RBPJ: variants seen among roughly 807,000 people sequenced by gnomAD.
RBPJ encodes the protein recombining binding protein suppressor of hairless.
In RBPJ, 9 loss-of-function variants were observed where a neutral mutation model predicts 67.8. The ratio of observed to expected loss-of-function variants is 0.13; its 90% CI spans 0.08 to 0.23. The LOEUF is 0.23. RBPJ is among the 10% of genes least tolerant of loss of function. The pLI is 1.00. For synonymous variants in RBPJ, 198 were observed against 203.3 expected, an observed-to-expected ratio of 0.97 and a Z score of 0.22; for missense variants, 305 against 595.6, an observed-to-expected ratio of 0.51 and a Z score of 5.08.
At chr4:26,187,126 G>A (rs1482917149) in intron 1 of RBPJ, among the ~76,000 whole-genome samples, 2 of 152,182 alleles carry the variant, frequency 1.3e-5, no homozygotes, top group East Asian at 3.8e-4. Flanking sequence ...GGAGGCTGAG[G>A]TGAGAGGATT....
chr4:26,317,517 G>T (rs1264208540), upstream of RBPJ, among the ~76,000 whole-genome samples: 7 of 152,138 alleles, frequency 4.6e-5, no homozygotes. Flanking sequence ...AAATGGGAAA[G>T]TCATGGAGGA....
At chr4:26,121,439 A>G in the RBPJ span, among the ~76,000 whole-genome samples, 1 of 152,148 alleles carries the variant, frequency 6.6e-6, no homozygotes, top group African/African-American at 2.4e-5. Flanking sequence ...TCTTATCCCC[A>G]TTTTAGAGAA....
intron 1 of RBPJ, among the ~76,000 whole-genome samples, chr4:26,337,107 G>A (rs1724922757): frequency 6.6e-6 from 1 of 151,164 alleles, no homozygotes; most frequent in South Asian, 2.1e-4. Flanking sequence ...GATTACAGGC[G>A]ACAGCCACCA....
At chr4:26,275,540 C>T (rs573159929) in intron 1 of RBPJ, among the ~76,000 whole-genome samples, 2 of 152,302 alleles carry the variant, frequency 1.3e-5, no homozygotes, top group African/African-American at 2.4e-5. Context: ...CATGTCAAGT[C>T]AGTCGCCGGA....
upstream of RBPJ, chr4:26,320,913 G>C (rs1245734122): frequency 8.8e-6 from 14 of 1,599,982 alleles, no homozygotes; most frequent in Middle Eastern, 1.7e-4. Context: ...AAGGGAGCGC[G>C]GGGGCTGGGT....
chr4:26,130,921 T>A, the RBPJ span, among the ~76,000 whole-genome samples: 1 of 152,254 alleles, frequency 6.6e-6, no homozygotes, highest in Admixed American at 6.5e-5. Flanking sequence ...CAGATGATGC[T>A]GTTTGAAACT....
intron 1 of RBPJ, among the ~76,000 whole-genome samples, chr4:26,218,054 C>T (rs149932665): frequency 5.9e-5 from 9 of 152,286 alleles, no homozygotes; most frequent in African/African-American, 7.2e-5. Context: ...TGATTTTCCA[C>T]GAGCCCCGCA....
intron 1 of RBPJ, among the ~76,000 whole-genome samples, chr4:26,170,852 G>A (rs1326619804): frequency 6.6e-6 from 1 of 152,200 alleles, no homozygotes; most frequent in Non-Finnish European, 1.5e-5. Context: ...AAATCTTAAT[G>A]CTTAATCTTT....
chr4:26,142,942 C>T, the RBPJ span, among the ~76,000 whole-genome samples: 61 of 152,194 alleles, frequency 4.0e-4, 2 homozygotes, highest in East Asian at 6.6e-3. Flanking sequence ...CCACCATGCC[C>T]GGCTAATTTT....
chr4:26,363,350 G>C (rs1277605257), intron 1 of RBPJ, among the ~76,000 whole-genome samples: 1 of 152,188 alleles, frequency 6.6e-6, no homozygotes, highest in Non-Finnish European at 1.5e-5. Flanking sequence ...ATATTGGCCA[G>C]GCCGGTCTCG....
the RBPJ span, among the ~76,000 whole-genome samples, chr4:26,144,221 A>AT: frequency 0.78 from 115,945 of 148,048 alleles, 47,447 homozygotes; most frequent in Non-Finnish European, 0.9. Context: ...ATTTGTTTCA[A>AT]TTTTTTTATA....
chr4:26,284,341 C>A (rs1721383899), intron 1 of RBPJ, among the ~76,000 whole-genome samples: 1 of 152,184 alleles, frequency 6.6e-6, no homozygotes, highest in South Asian at 2.1e-4. Context: ...GATTCTTCAG[C>A]CTCCAACTTC....
At chr4:26,277,431 G>A (rs762638024) in intron 1 of RBPJ, among the ~76,000 whole-genome samples, 18 of 152,220 alleles carry the variant, frequency 1.2e-4, no homozygotes, top group Non-Finnish European at 2.2e-4. Flanking sequence ...ACCCCCACCA[G>A]ATACAAGCCT....
At chr4:26,427,461 A>G (rs1479291019) in intron 7 of RBPJ, among the ~76,000 whole-genome samples, 5 of 152,310 alleles carry the variant, frequency 3.3e-5, no homozygotes, top group Middle Eastern at 3.4e-3. Flanking sequence ...GGAGTTGTCA[A>G]CCTTTAAATT....
Position 26,291,140 on chromosome 4 carries a change from A to G in RBPJ, c.-166-71306A>G, listed in dbSNP as rs1342089266. Among the ~76,000 whole-genome samples, 2 of 150,910 alleles carry G rather than the reference A, an allele frequency of 1.3e-5. 1 individual carries two copies. Among genetic ancestry groups the G allele is most frequent in the Non-Finnish European group, 3.0e-5 (2 of 67,606 alleles). On this transcript the variant is annotated intron_variant, in intron 1 of 4. Transcript: ENST00000512351. ...AAAAAAGCAGAGAAAATGAGTGTTA[A>G]TCTTTGTGGAACAATCCAGAGTCCA...
At position 26,201,557 on chromosome 4, in the gene RBPJ, C is replaced by T. The variant is rs376401576; in HGVS notation, c.-167+37943C>T. On this transcript the variant is annotated intron_variant, in intron 1 of 4. Coordinates refer to the RBPJ transcript ENST00000512351. ...CACAGCTTCATTGCAAAACCCCCAC[C>T]GTTCTCCCACTTTTACCTCTACCTC... is the stretch of plus-strand genomic sequence containing the variant. 3.3e-5 allele frequency among the ~76,000 whole-genome samples: 5 copies of T among 152,248 alleles called. No individual in the cohort carries two copies. The East Asian group carries it at 7.7e-4, about 23-fold the overall frequency.
chr4:26,337,478 C>T (rs186934691), intron 1 of RBPJ, among the ~76,000 whole-genome samples: 2 of 151,822 alleles, frequency 1.3e-5, no homozygotes, highest in Admixed American at 6.5e-5. Flanking sequence ...TCTGGCTATC[C>T]ACAGGTGTGG....
chr4:26,105,943 C>T, the RBPJ span, among the ~76,000 whole-genome samples: 3 of 152,116 alleles, frequency 2.0e-5, no homozygotes, highest in Non-Finnish European at 2.9e-5. Context: ...TCATGGAGTG[C>T]GATTTATCTA....
intron 1 of RBPJ, among the ~76,000 whole-genome samples, chr4:26,294,932 C>T (rs1721812252): frequency 6.6e-6 from 1 of 151,914 alleles, no homozygotes; most frequent in Non-Finnish European, 1.5e-5. Context: ...ACTAACAAGA[C>T]CTGCCACCGG....
Sources: allele counts gnomAD v4.1 joint callset (sites outside exome capture counted in the v4.1 genomes callset), GRCh38; gene constraint gnomAD v4.1.1; transcripts MANE v1.5; gene names NCBI Gene and HGNC (gene_info 2026-07-23, HGNC 2026-07-21).